The following ANKS1B variants were observed in gnomAD, a reference collection of about 807,000 sequenced individuals.
ANKS1B encodes the protein ankyrin repeat and sterile alpha motif domain containing 1B.
ANKS1B carries 36 observed loss-of-function variants against 148.3 expected under a neutral mutation model. The observed-to-expected ratio is 0.24, with a 90% confidence interval of 0.19 to 0.32. The LOEUF (loss-of-function observed/expected upper bound fraction) is 0.32, where lower values mean the gene tolerates loss of function less well. ANKS1B is among the 10% of genes least tolerant of loss of function. The probability of loss-of-function intolerance (pLI) is 1.00; values close to 1 mark genes in which losing one functional copy is unlikely to be tolerated. For missense variants in ANKS1B, 1,157 were observed against 1,542.6 expected, an observed-to-expected ratio of 0.75 and a Z score of 4.19; for synonymous variants, 542 against 560.8, an observed-to-expected ratio of 0.97 and a Z score of 0.47.
intron 8 of ANKS1B, among the ~76,000 whole-genome samples, chr12:99,664,675 C>T (rs1288215388): frequency 1.3e-5 from 2 of 152,260 alleles, no homozygotes; most frequent in East Asian, 1.9e-4. Context: ...TTTCCATCAC[C>T]GCAAAAGGTT....
chr12:99,367,037 G>A (rs764716746), intron 12 of ANKS1B, among the ~76,000 whole-genome samples: 4 of 152,094 alleles, frequency 2.6e-5, no homozygotes, highest in African/African-American at 4.8e-5. Flanking sequence ...CAGGGCATTC[G>A]GCAGTACTTT....
rs113087811 is a variant in ANKS1B, at chr12:99,877,671, C to T, written c.135-52282G>A. Among the ~76,000 whole-genome samples, 297 of 152,238 alleles carry T rather than the reference C, an allele frequency of 2.0e-3. 1 individual carries two copies. Among genetic ancestry groups the T allele is most frequent in the African/African-American group, 6.9e-3 (285 of 41,532 alleles). On this transcript the variant is annotated intron_variant, in intron 1 of 26. Transcript: ENST00000683438. Reference sequence around the variant, plus strand: ...ATAATTATTATCTTCTAGTTTCTAGCGTTGATTTGTGGGGCTTTTCGGCTT... The same window carrying T: ...ATAATTATTATCTTCTAGTTTCTAGTGTTGATTTGTGGGGCTTTTCGGCTT...
chr12:99,740,695 T>C (rs2060014722), intron 8 of ANKS1B, among the ~76,000 whole-genome samples: 1 of 152,128 alleles, frequency 6.6e-6, no homozygotes, highest in Admixed American at 6.5e-5. Flanking sequence ...CCAACCCAGG[T>C]ACCTGGCTTA....
intron 15 of ANKS1B, among the ~76,000 whole-genome samples, chr12:99,117,778 G>A (rs2061754408): frequency 6.6e-6 from 1 of 152,194 alleles, no homozygotes; most frequent in Non-Finnish European, 1.5e-5. Context: ...AATGGTACCA[G>A]CTTCTCTTTG....
At chr12:99,248,026 G>A (rs11109775) in intron 12 of ANKS1B, among the ~76,000 whole-genome samples, 39,762 of 151,950 alleles carry the variant, frequency 0.26, 6,500 homozygotes, top group African/African-American at 0.43. Context: ...ATGGGTAAGT[G>A]TTATTTACTA....
intron 9 of ANKS1B, among the ~76,000 whole-genome samples, chr12:99,526,869 T>C (rs1024748646): frequency 6.6e-6 from 1 of 152,198 alleles, no homozygotes; most frequent in African/African-American, 2.4e-5. Context: ...TCACTGCAGA[T>C]GCAATTAGTT....
At chr12:99,469,523 A>C (rs189580721) in intron 10 of ANKS1B, among the ~76,000 whole-genome samples, 68 of 152,200 alleles carry the variant, frequency 4.5e-4, no homozygotes, top group African/African-American at 1.6e-3. Context: ...AATGTGTCTA[A>C]TTTGTCTTTA....
chr12:98,941,657 C>T (rs1393744363), intron 17 of ANKS1B, among the ~76,000 whole-genome samples: 2 of 152,216 alleles, frequency 1.3e-5, no homozygotes, highest in African/African-American at 2.4e-5. Context: ...CAAAAAAAAT[C>T]TCAGGGCAAA....
At chr12:99,125,238 C>A (rs2063988790) in intron 15 of ANKS1B, among the ~76,000 whole-genome samples, 1 of 152,110 alleles carries the variant, frequency 6.6e-6, no homozygotes, top group Admixed American at 6.6e-5. Flanking sequence ...AAATTTCATT[C>A]ATTCATTCCA....
rs544828156 is a variant in ANKS1B, at chr12:99,199,364, C to T, written c.2420-44969G>A. 5.3e-5 allele frequency among the ~76,000 whole-genome samples: 8 copies of T among 152,244 alleles called. No individual in the cohort carries two copies. The South Asian group carries it at 1.7e-3, about 32-fold the overall frequency. On this transcript the variant is annotated intron_variant, in intron 14 of 26. Coordinates refer to ENST00000683438, the MANE Select transcript of ANKS1B (RefSeq NM_001352186.2). ...TATAAACTATTTCCTGTGTTGTTAG[C>T]CGTGGTTTTTTAAAAACAATTATTA...
intron 17 of ANKS1B, among the ~76,000 whole-genome samples, chr12:98,975,760 G>A (rs185531878): frequency 1.9e-4 from 29 of 152,218 alleles, no homozygotes; most frequent in African/African-American, 7.0e-4. Context: ...TATTCAGACT[G>A]AGATAAGAGT....
intron 9 of ANKS1B, among the ~76,000 whole-genome samples, chr12:99,570,452 C>A (rs2097441575): frequency 1.3e-5 from 2 of 151,972 alleles, no homozygotes; most frequent in African/African-American, 4.8e-5. Flanking sequence ...TCAAGACCAT[C>A]CTGGTTAACA....
At position 99,416,487 on chromosome 12, in the gene ANKS1B, C is replaced by T. The variant is rs1053964780; in HGVS notation, c.1576-16676G>A. On this transcript the variant is annotated intron_variant, in intron 11 of 26. Transcript: ENST00000683438. The stretch of plus-strand genomic sequence containing the variant: ...TTCCACCAGCAATCTATGAGCTTCT[C>T]TGTATCCTTGCCAGCATTTAGTGTT... Among the ~76,000 whole-genome samples, 4 of 152,210 alleles carry T rather than the reference C, an allele frequency of 2.6e-5. No homozygotes were observed. The East Asian group carries it at 7.7e-4, about 29-fold the overall frequency.
intron 25 of ANKS1B, among the ~76,000 whole-genome samples, chr12:98,768,970 C>A (rs1056793433): frequency 1.3e-5 from 2 of 151,908 alleles, no homozygotes; most frequent in South Asian, 2.1e-4. Flanking sequence ...AAACTGGAAA[C>A]TTCCTAGACA....
chr12:99,485,584 A>G (rs1461056455), intron 10 of ANKS1B, among the ~76,000 whole-genome samples: 1 of 152,082 alleles, frequency 6.6e-6, no homozygotes, highest in Non-Finnish European at 1.5e-5. Context: ...TTATTCCCTC[A>G]AATAAGTTTT....
At chr12:99,403,989 T>A (rs1594095803) in intron 11 of ANKS1B, among the ~76,000 whole-genome samples, 1 of 146,458 alleles carries the variant, frequency 6.8e-6, no homozygotes, top group Non-Finnish European at 1.5e-5. Context: ...TGGAATACTA[T>A]GCAGCCATAA....
At position 99,402,106 on chromosome 12, in the gene ANKS1B, C is replaced by T. The variant is rs943627177; in HGVS notation, c.1576-2295G>A. On this transcript the variant is annotated intron_variant, in intron 11 of 26. Coordinates refer to ENST00000683438, the MANE Select transcript of ANKS1B (RefSeq NM_001352186.2). Reference sequence around the variant, plus strand: ...AATTGTTTCACACCTCAATTTTGTGCTCAATAAAACCGTAACTATAGGTTT... The same window carrying T: ...AATTGTTTCACACCTCAATTTTGTGTTCAATAAAACCGTAACTATAGGTTT... Among the ~76,000 whole-genome samples the T allele has an allele frequency of 4.8e-5, 7 of 146,298 alleles. 2 individuals are homozygous for T. Among genetic ancestry groups the T allele is most frequent in the Non-Finnish European group, 1.1e-4 (7 of 66,224 alleles).
chr12:98,774,604 C>T (rs1379692487), intron 24 of ANKS1B, among the ~76,000 whole-genome samples: 3 of 152,148 alleles, frequency 2.0e-5, no homozygotes, highest in African/African-American at 4.8e-5. Flanking sequence ...CTAAAACCCT[C>T]GATGCTTTAG....
At chr12:99,759,052 T>G (rs575441360) in intron 8 of ANKS1B, among the ~76,000 whole-genome samples, 1 of 151,960 alleles carries the variant, frequency 6.6e-6, no homozygotes. Context: ...TCATTTTCTT[T>G]GTTCATTTTA....
Sources: gnomAD v4.1 joint callset for allele counts (sites outside exome capture counted in the v4.1 genomes callset) on GRCh38, gnomAD v4.1.1 for gene constraint, MANE v1.5 for transcripts, NCBI Gene and HGNC (gene_info 2026-07-23, HGNC 2026-07-21) for gene names.